RCC2: variants seen among roughly 807,000 people sequenced by gnomAD.
RCC2 encodes the protein regulator of chromosome condensation 2, also known as protein RCC2.
RCC2 carries 19 observed loss-of-function variants against 64.1 expected under a neutral mutation model. The ratio of observed to expected loss-of-function variants is 0.30; its 90% CI spans 0.21 to 0.44. The LOEUF (loss-of-function observed/expected upper bound fraction) is 0.44. Ranked by LOEUF, RCC2 falls within the 20% of genes least tolerant of loss-of-function variation. The pLI is 1.00. For missense variants in RCC2, 508 were observed against 710.4 expected (o/e 0.72, Z 3.24); for synonymous variants, 325 against 279.6 (o/e 1.16, Z -1.62).
At chr1:17,432,229 T>C (rs1157140784) in intron 2 of RCC2, among the ~76,000 whole-genome samples, 2 of 152,234 alleles carry the variant, frequency 1.3e-5, no homozygotes, top group East Asian at 3.8e-4. Context: ...CTCAGGTTAC[T>C]TGAATTGGAG....
At chr1:17,438,696 G>A in intron 1 of RCC2, 174 bp from the exon 2 acceptor site, 1 of 561,022 alleles carries the variant, frequency 1.8e-6, no homozygotes, top group Non-Finnish European at 2.6e-6. Context: ...GCCCCTCCCT[G>A]GCCCCGGCGC....
intron 7 of RCC2, among the ~76,000 whole-genome samples, chr1:17,418,384 C>A (rs563524585): frequency 1.3e-5 from 2 of 152,210 alleles, no homozygotes; most frequent in South Asian, 2.1e-4. Context: ...CTTGGCCGGG[C>A]GCGGTGGCTC....
At chr1:17,421,312 T>A (rs2075553376) in intron 6 of RCC2, among the ~76,000 whole-genome samples, 1 of 152,048 alleles carries the variant, frequency 6.6e-6, no homozygotes, top group Non-Finnish European at 1.5e-5. Flanking sequence ...CTGGCCAACA[T>A]GGTGAAACCC....
chr1:17,406,959 C>G lies in RCC2; in HGVS notation c.*2131G>C, dbSNP rs998724618. The G allele has an allele frequency of 3.3e-5, 5 of 152,198 alleles. No homozygotes were observed. The highest frequency in any genetic ancestry group is 9.7e-5 in the African/African-American group (4 of 41,432). 9.4% of individuals were successfully genotyped at this position (152,198 alleles called of 1,614,324 possible). ...ACCAGTCAGATGCCCGCAGGGTCAG[C>G]GCCAAGCACATTCCCAACCGGGCAA... On this transcript the variant is annotated 3_prime_UTR_variant, in exon 13 of 13. Transcript: ENST00000375436.
rs576794971 is a variant in RCC2, at chr1:17,420,887, C to T, written c.745-59G>A. 1.7e-3 allele frequency: 1,819 copies of T among 1,102,396 alleles called. 7 individuals carry two copies. Among genetic ancestry groups the T allele is most frequent in the Middle Eastern group, 6.7e-3 (33 of 4,908 alleles). 68.3% of individuals were successfully genotyped at this position (1,102,396 alleles called of 1,614,324 possible). On this transcript the variant is annotated intron_variant, in intron 6 of 12. Coordinates refer to ENST00000375436, the MANE Select transcript of RCC2 (RefSeq NM_018715.4). ...TTAAAGACTGATAAAAAGCCTCTAC[C>T]TCTCTGCATGTTGGTGGGAAACAAT... is the stretch of plus-strand genomic sequence containing the variant.
chr1:17,417,915 T>C (rs970747842), intron 7 of RCC2, among the ~76,000 whole-genome samples: 1 of 151,818 alleles, frequency 6.6e-6, no homozygotes, highest in African/African-American at 2.4e-5. Flanking sequence ...AAAAAGATAA[T>C]ACAAACAATA....
rs1238562603 is a variant in RCC2 at position 17,425,688 on chromosome 1, C to G, written c.380-4G>C. ...TGACCGAGATTGCGGTAAGCAGCTG[C>G]AGAGAGAATGAGAATGCAGATCAGA... is the stretch of plus-strand genomic sequence containing the variant. On this transcript the variant is annotated splice_polypyrimidine_tract_variant and splice_region_variant and intron_variant, in intron 3 of 12. Transcript: ENST00000375436. 6.2e-7 allele frequency: 1 copy of G among 1,604,936 alleles called. No individual in the cohort carries two copies. The highest frequency in any genetic ancestry group is 1.1e-5 in the South Asian group (1 of 90,718).
chr1:17,427,778 T>C (rs1311113858), intron 3 of RCC2, among the ~76,000 whole-genome samples: 3 of 151,828 alleles, frequency 2.0e-5, no homozygotes, highest in Non-Finnish European at 1.5e-5. Context: ...CCGGGTTGGG[T>C]TTCTTCCGGC....
intron 2 of RCC2, among the ~76,000 whole-genome samples, chr1:17,432,164 T>C (rs78045454): frequency 0.075 from 11,441 of 152,262 alleles, 501 homozygotes; most frequent in Middle Eastern, 0.13. Context: ...TTCATTTAAA[T>C]TATTTAGAAA....
Position 17,410,066 on chromosome 1 carries a change from A to T in RCC2, c.1387-15T>A. Reference sequence around the variant, plus strand: ...TCCCCGTAGCCCTGGCGAAGCAAACAAGATGTTCGCAATCGAGGATCCATG... The same window carrying T: ...TCCCCGTAGCCCTGGCGAAGCAAACTAGATGTTCGCAATCGAGGATCCATG... On this transcript the variant is annotated splice_polypyrimidine_tract_variant and intron_variant, in intron 11 of 12. Transcript: ENST00000375436. The T allele has an allele frequency of 6.2e-7, 1 of 1,612,648 alleles. No homozygotes were observed.
intron 2 of RCC2, among the ~76,000 whole-genome samples, chr1:17,437,958 CCCTCCCCCGCCGCGGGCCCGGGCGCG>C (rs1260160019): frequency 1.4e-5 from 2 of 145,828 alleles, no homozygotes; most frequent in Non-Finnish European, 3.1e-5. Context: ...CTTCGGCCGC[CCCTCCCCCGCCGCGGGCCCGGGCGCG>C]CGCCCCAACC....
intron 2 of RCC2, among the ~76,000 whole-genome samples, chr1:17,430,121 G>A (rs948551143): frequency 3.3e-5 from 5 of 152,212 alleles, no homozygotes; most frequent in Non-Finnish European, 7.3e-5. Flanking sequence ...ACTGGCAAGG[G>A]AAGCATTCAC....
intron 4 of RCC2, among the ~76,000 whole-genome samples, chr1:17,423,594 T>A (rs1041697044): frequency 6.6e-6 from 1 of 152,212 alleles, no homozygotes; most frequent in Non-Finnish European, 1.5e-5. Flanking sequence ...GACGTGGAAG[T>A]TGGGTGGGCC....
At chr1:17,430,248 G>A (rs999934884) in intron 2 of RCC2, among the ~76,000 whole-genome samples, 2 of 152,224 alleles carry the variant, frequency 1.3e-5, no homozygotes, top group African/African-American at 4.8e-5. Context: ...AAGGCGCAAT[G>A]GCTCACGCCT....
At chr1:17,425,797 C>T (rs939672348) in intron 3 of RCC2, 113 bp from the exon 4 acceptor site, 5 of 1,105,812 alleles carry the variant, frequency 4.5e-6, no homozygotes, top group Non-Finnish European at 5.2e-6. Flanking sequence ...AGGTGTTCCT[C>T]GGGTGCCACC....
chr1:17,415,495 G>A lies in RCC2; in HGVS notation c.1026+985C>T, dbSNP rs191178374. On this transcript the variant is annotated intron_variant, in intron 8 of 12. Transcript: ENST00000375436. ...TGGGAGGCCGAGGCAGGTGGATCACGAGGTCAGGAGTTTGAGACCAGCCTG... is the reference window on the plus strand; with the variant it reads ...TGGGAGGCCGAGGCAGGTGGATCACAAGGTCAGGAGTTTGAGACCAGCCTG... Among the ~76,000 whole-genome samples the A allele has an allele frequency of 4.0e-5, 6 of 150,676 alleles. No homozygotes were observed. The East Asian group carries it at 1.2e-3, about 30-fold the overall frequency.
chr1:17,420,574 G>GGTCTC, intron 7 of RCC2, 140 bp downstream of exon 7: 1 of 505,860 alleles, frequency 2.0e-6, no homozygotes, highest in Non-Finnish European at 3.5e-6. Flanking sequence ...TGCTGAACGT[G>GGTCTC]AGATCCACTT....
At position 17,408,823 on chromosome 1, in the gene RCC2, C is replaced by A; in HGVS notation, c.*267G>T. On this transcript the variant is annotated 3_prime_UTR_variant, in exon 13 of 13. Transcript: ENST00000375436. ...AAAAAACCTAGATTGCTCAAAGTTT[C>A]TGCCTCTTTTGTAGGAATGGTAAAT... 1 of 380,120 alleles carries A rather than the reference C, an allele frequency of 2.6e-6. No individual in the cohort carries two copies. Among genetic ancestry groups the A allele is most frequent in the Non-Finnish European group, 4.7e-6 (1 of 212,336 alleles). The allele number at this position is 380,120 out of a possible 1,614,324, so 23.5% of individuals were successfully genotyped here.
At position 17,422,194 on chromosome 1, in the gene RCC2, A is replaced by T. The variant is rs778079985; in HGVS notation, c.744+9T>A. 20 of 1,592,690 alleles carry T rather than the reference A, an allele frequency of 1.3e-5. No individual in the cohort carries two copies. In the South Asian group the frequency reaches 1.7e-4, roughly 13 times the overall value. On this transcript the variant is annotated intron_variant, in intron 6 of 12. Transcript: ENST00000375436. ...AAAAGCCATGGAGCCGGAGCTGAGG[A>T]GGGGTCACCTGCGCGGGGCTGGGAA...
Sources: gnomAD v4.1 joint callset for allele counts (sites outside exome capture counted in the v4.1 genomes callset) on GRCh38, gnomAD v4.1.1 for gene constraint, MANE v1.5 for transcripts, NCBI Gene and HGNC (gene_info 2026-07-23, HGNC 2026-07-21) for gene names.